DLC1: variants seen among roughly 807,000 people sequenced by gnomAD.
DLC1 encodes DLC1 Rho GTPase activating protein.
DLC1 carries 54 observed loss-of-function variants against 140.3 expected under a neutral mutation model. The ratio of observed to expected loss-of-function variants is 0.38; its 90% CI spans 0.31 to 0.48. The LOEUF is 0.48. DLC1 is among the 20% of genes least tolerant of loss of function. The probability of loss-of-function intolerance (pLI) is 0.96; values close to 1 mark genes in which losing one functional copy is unlikely to be tolerated. For synonymous variants in DLC1, 986 were observed against 728.1 expected, an observed-to-expected ratio of 1.35 and a Z score of -5.70; for missense variants, 2,536 against 1,907.0, an observed-to-expected ratio of 1.33 and a Z score of -6.14.
intron 1 of DLC1, among the ~76,000 whole-genome samples, chr8:13,587,640 A>C (rs1231459795): frequency 2.0e-5 from 3 of 149,150 alleles, no homozygotes; most frequent in East Asian, 3.9e-4. Context: ...GCCTATATAT[A>C]TATGTATGTT....
chr8:13,119,496 G>A (rs1031869705), intron 5 of DLC1, among the ~76,000 whole-genome samples: 3 of 152,104 alleles, frequency 2.0e-5, no homozygotes, highest in African/African-American at 4.8e-5. Context: ...CTATATCAAT[G>A]GGTCACTTTA....
At chr8:13,474,963 A>G (rs1800375842) in intron 2 of DLC1, among the ~76,000 whole-genome samples, 2 of 152,152 alleles carry the variant, frequency 1.3e-5, no homozygotes, top group Admixed American at 1.3e-4. Context: ...ATGCTCCACC[A>G]CGCTTAGCTA....
At chr8:13,345,620 C>G (rs1443542464) in intron 4 of DLC1, among the ~76,000 whole-genome samples, 1 of 127,190 alleles carries the variant, frequency 7.9e-6, no homozygotes, top group Non-Finnish European at 1.6e-5. Context: ...GTGGTACCAT[C>G]TCAGTTCACT....
intron 2 of DLC1, among the ~76,000 whole-genome samples, chr8:13,478,368 A>G (rs1388589327): frequency 6.6e-6 from 1 of 152,212 alleles, no homozygotes; most frequent in Non-Finnish European, 1.5e-5. Context: ...CCCATGACCC[A>G]GAAACCTCCC....
intron 5 of DLC1, among the ~76,000 whole-genome samples, chr8:13,213,721 A>T (rs1202726972): frequency 6.6e-6 from 1 of 151,890 alleles, no homozygotes; most frequent in Admixed American, 6.6e-5. Flanking sequence ...AAAATTTCAA[A>T]CCAATGCTTA....
chr8:13,182,627 T>C (rs1197714569), intron 5 of DLC1, among the ~76,000 whole-genome samples: 1 of 152,110 alleles, frequency 6.6e-6, no homozygotes, highest in Non-Finnish European at 1.5e-5. Context: ...GATCAGATGG[T>C]TGTAGATGTG....
intron 5 of DLC1, among the ~76,000 whole-genome samples, chr8:13,254,424 G>C (rs1051231255): frequency 6.6e-6 from 1 of 152,128 alleles, no homozygotes; most frequent in Non-Finnish European, 1.5e-5. Flanking sequence ...GATCGTTGAA[G>C]AACAAGAGAA....
intron 1 of DLC1, among the ~76,000 whole-genome samples, chr8:13,559,734 C>T (rs1311058294): frequency 2.0e-5 from 3 of 152,152 alleles, no homozygotes; most frequent in Admixed American, 6.5e-5. Flanking sequence ...GACCCTTCTA[C>T]CCAAGGAAAA....
In DLC1 at chr8:13,441,547, C is replaced by T. The variant is rs1436934137; in HGVS notation, c.1024-39928G>A. Among the ~76,000 whole-genome samples, 3 of 152,128 alleles carry T rather than the reference C, an allele frequency of 2.0e-5. No individual in the cohort carries two copies. The East Asian group carries it at 5.8e-4, about 29-fold the overall frequency. ...AAAATCAATGTGCAAAAATCACAAG[C>T]ATTCTTATACACCAATAACAGACAA... On this transcript the variant is annotated intron_variant, in intron 2 of 17. Coordinates refer to ENST00000276297, the MANE Select transcript of DLC1 (RefSeq NM_182643.3).
chr8:13,470,421 C>A (rs539398965), intron 2 of DLC1, among the ~76,000 whole-genome samples: 4 of 152,124 alleles, frequency 2.6e-5, no homozygotes, highest in African/African-American at 7.2e-5. Context: ...AAGAGCCAAA[C>A]CCCTCCTAAT....
intron 4 of DLC1, among the ~76,000 whole-genome samples, chr8:13,393,259 C>G (rs1836850458): frequency 6.9e-6 from 1 of 145,584 alleles, no homozygotes; most frequent in South Asian, 2.2e-4. Flanking sequence ...AAAGGCATCT[C>G]CAGATTTTGC....
intron 4 of DLC1, among the ~76,000 whole-genome samples, chr8:13,386,241 A>G (rs1434650041): frequency 2.0e-5 from 3 of 152,172 alleles, no homozygotes; most frequent in Non-Finnish European, 2.9e-5. Context: ...CTATTAATCT[A>G]TTCAATTCTA....
intron 4 of DLC1, among the ~76,000 whole-genome samples, chr8:13,321,409 G>A (rs994314162): frequency 1.3e-5 from 2 of 151,770 alleles, no homozygotes; most frequent in African/African-American, 4.8e-5. Context: ...GTGGTGGTGC[G>A]TGCCTGTAGT....
intron 1 of DLC1, among the ~76,000 whole-genome samples, chr8:13,546,482 T>C (rs1211744522): frequency 1.3e-5 from 2 of 152,300 alleles, no homozygotes; most frequent in African/African-American, 2.4e-5. Flanking sequence ...CACATTTATC[T>C]ACAAATTTTA....
chr8:13,334,484 G>C (rs1310415032), intron 4 of DLC1, among the ~76,000 whole-genome samples: 1 of 152,154 alleles, frequency 6.6e-6, no homozygotes, highest in East Asian at 1.9e-4. Context: ...TGTGCACATG[G>C]GGTAGACTGC....
intron 5 of DLC1, among the ~76,000 whole-genome samples, chr8:13,129,220 C>T (rs1445347112): frequency 2.0e-5 from 3 of 152,250 alleles, no homozygotes; most frequent in Admixed American, 2.0e-4. Flanking sequence ...GCACTGTCTT[C>T]CTTCAAAGAG....
intron 2 of DLC1, among the ~76,000 whole-genome samples, chr8:13,462,303 G>A (rs911825332): frequency 6.6e-6 from 1 of 151,928 alleles, no homozygotes; most frequent in African/African-American, 2.4e-5. Flanking sequence ...ACCCAAGGAT[G>A]TCTGAAAACC....
intron 1 of DLC1, among the ~76,000 whole-genome samples, chr8:13,529,061 C>A (rs1046877946): frequency 6.6e-6 from 1 of 152,078 alleles, no homozygotes; most frequent in Admixed American, 6.6e-5. Context: ...TATTACTCAA[C>A]GAGAAGAAGA....
intron 1 of DLC1, among the ~76,000 whole-genome samples, chr8:13,524,174 G>C (rs184444450): frequency 6.0e-5 from 9 of 149,584 alleles, no homozygotes; most frequent in African/African-American, 2.0e-4. Flanking sequence ...ATCTCACTCT[G>C]TTGCCCAGGC....
Sources: gnomAD v4.1 joint callset for allele counts (sites outside exome capture counted in the v4.1 genomes callset) on GRCh38, gnomAD v4.1.1 for gene constraint, MANE v1.5 for transcripts, NCBI Gene and HGNC (gene_info 2026-07-23, HGNC 2026-07-21) for gene names.